Variants in MAN2B1 observed in about 807,000 individuals in gnomAD.
MAN2B1 encodes the protein lysosomal alpha-mannosidase.
In MAN2B1, 99 loss-of-function variants were observed where a neutral mutation model predicts 127.5. The observed-to-expected ratio is 0.78, with a 90% CI of 0.66 to 0.92. MAN2B1 has a LOEUF of 0.92. Among genes scored for constraint, MAN2B1 ranks in the 40% least tolerant of loss-of-function variants. The probability of loss-of-function intolerance (pLI) is 0.00; values close to 1 mark genes in which losing one functional copy is unlikely to be tolerated. For synonymous variants in MAN2B1, 573 were observed against 568.8 expected (o/e 1.01, Z -0.11); for missense variants, 1,304 against 1,384.8 (o/e 0.94, Z 0.93).
chr19:12,663,370 C>T lies in MAN2B1; in HGVS notation c.856G>A (p.Glu286Lys), dbSNP rs772562587. The T allele has an allele frequency of 7.4e-6, 12 of 1,614,098 alleles. No individual in the cohort carries two copies. Among genetic ancestry groups the T allele is most frequent in the Admixed American group, 1.7e-5 (1 of 60,020 alleles). ...TCGACCAGCTCCTTGGCGTTGTACTCGGGGCTGCGAGGGTCCTCCACCAGC... is the reference window on the plus strand; with the variant it reads ...TCGACCAGCTCCTTGGCGTTGTACTTGGGGCTGCGAGGGTCCTCCACCAGC... ...QPLVEDPRSP[E>K]YNAKELVDYF... is the part of the protein sequence containing the mutation. The change falls in exon 6 of 24, where the codon GAG becomes AAG. Residue 286 changes from glutamate to lysine, a missense_variant. By Grantham distance (56) the Glu-to-Lys change is moderately conservative. Transcript: ENST00000456935.
chr19:12,666,623 C>A lies in MAN2B1; in HGVS notation c.79G>T (p.Ala27Ser), dbSNP rs997178513. 2 of 1,556,812 alleles carry A rather than the reference C, an allele frequency of 1.3e-6. No individual in the cohort carries two copies. The highest frequency in any genetic ancestry group is 1.4e-5 in the African/African-American group (1 of 73,576). ...AGAGGCGGGAGCGGTGGCCGCAGGG[C>A]GCGGGACATGGTCCAGGGGCCTGCT... is the stretch of plus-strand genomic sequence containing the variant. ...DSAGPWTMSR[A>S]LRPPLPPLCF... The change falls in exon 1 of 24, where the codon GCC becomes TCC. Residue 27 changes from alanine (A) to serine (S), a missense_variant. By Grantham distance (99) the Ala-to-Ser change is moderately conservative (BLOSUM62 1). Coordinates refer to ENST00000456935, the MANE Select transcript of MAN2B1 (RefSeq NM_000528.4).
At chr19:12,651,981 T>C (rs531363273) in intron 16 of MAN2B1, among the ~76,000 whole-genome samples, 172 bp downstream of exon 16, 10 of 152,276 alleles carry the variant, frequency 6.6e-5, no homozygotes, top group Admixed American at 3.9e-4. Context: ...TGAATATCAA[T>C]TCTATGGAAG....
chr19:12,653,551 G>A (rs2023892065), intron 14 of MAN2B1, among the ~76,000 whole-genome samples: 1 of 151,964 alleles, frequency 6.6e-6, no homozygotes, highest in Non-Finnish European at 1.5e-5. Context: ...CTGAGGTGAG[G>A]AGTTTGATAC....
intron 20 of MAN2B1, 73 bp downstream of exon 20, chr19:12,649,063 A>G (rs2023771368): frequency 7.6e-7 from 1 of 1,311,246 alleles, no homozygotes; most frequent in Non-Finnish European, 1.1e-6. Context: ...ACTGGGCCAG[A>G]AACAGCCTTC....
At chr19:12,662,760 C>T (rs1330050206) in intron 6 of MAN2B1, among the ~76,000 whole-genome samples, 5 of 151,500 alleles carry the variant, frequency 3.3e-5, no homozygotes, top group African/African-American at 4.9e-5. Flanking sequence ...GTCAACATGA[C>T]GAAACCCTGT....
In MAN2B1 at chr19:12,657,093, C is replaced by T. The variant is rs376341388; in HGVS notation, c.1420-37G>A. ...CGCAAAGGGACCGGTGGGTTCAGGA[C>T]GCCAGGCCTGACTCCTCCCCTCTCC... On this transcript the variant is annotated intron_variant, in intron 11 of 23. Coordinates refer to ENST00000456935, the MANE Select transcript of MAN2B1 (RefSeq NM_000528.4). 219 of 1,290,066 alleles carry T rather than the reference C, an allele frequency of 1.7e-4. 1 individual carries two copies. In the African/African-American group the frequency reaches 2.2e-3, roughly 13 times the overall value. 79.9% of individuals were successfully genotyped at this position (1,290,066 alleles called of 1,614,324 possible). A position where few individuals can be genotyped will look rare whatever the true frequency, so the allele number is the denominator to read the frequency against.
Position 12,646,560 on chromosome 19 carries a change from CAG to C in MAN2B1, c.*58_*59del. 7.8e-7 allele frequency: 1 copy of C among 1,278,116 alleles called. No homozygotes were observed. The highest frequency in any genetic ancestry group is 1.1e-6 in the Non-Finnish European group (1 of 875,048). 79.2% of individuals were successfully genotyped at this position (1,278,116 alleles called of 1,614,324 possible). A position where few individuals can be genotyped will look rare whatever the true frequency, so the allele number is the denominator to read the frequency against. ...ATGGCAGCAGCCCCAAGAGGAGAGT[CAG>C]AGTCTGGTCTGCCCCCGGAGCAGGA... On this transcript the variant is annotated 3_prime_UTR_variant, in exon 24 of 24. Transcript: ENST00000456935.
Position 12,656,958 on chromosome 19 carries a change from C to G in MAN2B1, c.1518G>C (p.Thr506=). Residue 506 remains threonine, a synonymous_variant, in exon 12 of 24, where the codon ACG becomes ACC. Coordinates refer to ENST00000456935, the MANE Select transcript of MAN2B1 (RefSeq NM_000528.4). ...LNISICPLSQ[T]AARFQVIVYN... is the part of the protein sequence containing the mutation. ...TCCCGTCCCGGCTCACGCGCGCCGCCGTCTGGCTGAGCGGGCAGATGCTGA... is the reference window on the plus strand; with the variant it reads ...TCCCGTCCCGGCTCACGCGCGCCGCGGTCTGGCTGAGCGGGCAGATGCTGA... The G allele has an allele frequency of 6.2e-7, 1 of 1,613,280 alleles. No individual in the cohort carries two copies. The highest frequency in any genetic ancestry group is 1.1e-5 in the South Asian group (1 of 91,042).
In MAN2B1 at chr19:12,665,738, C is replaced by A. The variant is rs2024218349; in HGVS notation, c.227G>T (p.Gly76Val). Residue 76 changes from glycine (G) to valine (V), a missense_variant, in exon 2 of 24, where the codon GGC becomes GTC. Physicochemically the swap from Gly to Val is moderately radical, Grantham distance 109. Transcript: ENST00000456935. Reference protein sequence around the residue: ...HLLPHTHDDVGWLKTVDQYFY... With the variant: ...HLLPHTHDDVVWLKTVDQYFY... ...GTACTGGTCCACGGTTTTGAGCCAG[C>A]CCACGTCATCATGTGTGTGAGGCAG... 6.2e-7 allele frequency: 1 copy of A among 1,614,044 alleles called. No homozygotes were observed. The highest frequency in any genetic ancestry group is 1.3e-5 in the African/African-American group (1 of 74,928).
intron 1 of MAN2B1, 117 bp downstream of exon 1, chr19:12,666,423 ACAC>A: frequency 2.6e-6 from 3 of 1,144,526 alleles, no homozygotes; most frequent in Non-Finnish European, 2.6e-6. Flanking sequence ...CACTCAGACC[ACAC>A]TGTCATATCA....
In MAN2B1 at chr19:12,665,022, G is replaced by A. The variant is rs117130511; in HGVS notation, c.437-37C>T. The A allele has an allele frequency of 0.011, 18,191 of 1,591,844 alleles. 152 individuals are homozygous for A. The highest frequency in any genetic ancestry group is 0.013 in the Non-Finnish European group (15,340 of 1,164,232). ...CAGGCAAGGTCAGGGTCAGCGGTCAGAGCCAGGAGTGGGAGTAGGGTGGGT... is the reference window on the plus strand; with the variant it reads ...CAGGCAAGGTCAGGGTCAGCGGTCAAAGCCAGGAGTGGGAGTAGGGTGGGT... On this transcript the variant is annotated intron_variant, in intron 3 of 23. Transcript: ENST00000456935.
At chr19:12,666,467 AC>A (rs893273263) in intron 1 of MAN2B1, 75 bp downstream of exon 1, 1 of 1,511,170 alleles carries the variant, frequency 6.6e-7, no homozygotes, top group Non-Finnish European at 9.0e-7. Context: ...CACAGGACAG[AC>A]CCACCCACAC....
rs777413286 is a variant in MAN2B1 at position 12,652,142 on chromosome 19, T to C, written c.2046+11A>G. 5 of 1,607,406 alleles carry C rather than the reference T, an allele frequency of 3.1e-6. No homozygotes were observed. In the Admixed American group the frequency reaches 5.0e-5, roughly 16 times the overall value. ...TTCCCAACTGCCCACTCATCATTCCTAGTCCCTGACCTTCACCAGGTGGAT... is the reference window on the plus strand; with the variant it reads ...TTCCCAACTGCCCACTCATCATTCCCAGTCCCTGACCTTCACCAGGTGGAT... On this transcript the variant is annotated intron_variant, in intron 16 of 23. Transcript: ENST00000456935.
chr19:12,660,278 G>C (rs1340126817), intron 7 of MAN2B1, among the ~76,000 whole-genome samples: 1 of 152,176 alleles, frequency 6.6e-6, no homozygotes, highest in Non-Finnish European at 1.5e-5. Context: ...GGCCGAGCGG[G>C]GTGGATCACG....
Position 12,648,317 on chromosome 19 carries a change from C to A in MAN2B1, c.2522G>T (p.Arg841Leu), listed in dbSNP as rs866046032. The A allele has an allele frequency of 6.2e-7, 1 of 1,613,376 alleles. No individual in the cohort carries two copies. The stretch of plus-strand genomic sequence containing the variant: ...GGCTGTGTCCAGCAGCACCAGGTGG[C>A]GCCCTCGCACCCACGCCCCCGACCC... ...ENGSGAWVRG[R>L]HLVLLDTAQA... The change falls in exon 21 of 24, where the codon CGC becomes CTC. Residue 841 changes from arginine to leucine, a missense_variant. By Grantham distance (102) the Arg-to-Leu change is moderately radical. Coordinates refer to ENST00000456935, the MANE Select transcript of MAN2B1 (RefSeq NM_000528.4).
chr19:12,652,335 A>C (rs1374181215), intron 15 of MAN2B1, 28 bp downstream of exon 15: 1 of 1,609,012 alleles, frequency 6.2e-7, no homozygotes, highest in South Asian at 1.1e-5. Context: ...CCACCACCCC[A>C]CCCTCAGGCC....
At chr19:12,657,349 G>C (rs2023991485) in intron 11 of MAN2B1, 97 bp downstream of exon 11, 5 of 1,119,946 alleles carry the variant, frequency 4.5e-6, no homozygotes, top group Admixed American at 4.2e-5. Context: ...CAGGGCTCTC[G>C]GCTACGCCTC....
rs370382032 is a variant in MAN2B1, at chr19:12,652,441, T to C, written c.1850A>G (p.Asp617Gly). ...CTCCATCAACAGCCCTGTGTCAGGA[T>C]CAAACGTTGCCCGGATGTGCTGGGC... ...IENEHIRATF[D>G]PDTGLLMEIM... Residue 617 changes from aspartate (D) to glycine (G), a missense_variant, in exon 15 of 24, where the codon GAT (aspartate) becomes GGT (glycine). Asp to Gly is a moderately conservative substitution (Grantham distance 94, BLOSUM62 -1). Transcript: ENST00000456935. 1.8e-4 allele frequency: 290 copies of C among 1,614,112 alleles called. 5 individuals are homozygous for C. The South Asian group carries it at 3.0e-3, about 17-fold the overall frequency.
In MAN2B1 at chr19:12,654,341, C is replaced by A. The variant is rs771584972; in HGVS notation, c.1830+1353G>T. Among the ~76,000 whole-genome samples, 66 of 152,166 alleles carry A rather than the reference C, an allele frequency of 4.3e-4. No individual in the cohort carries two copies. The Middle Eastern group carries it at 0.01, about 24-fold the overall frequency. The stretch of plus-strand genomic sequence containing the variant: ...ACAGGTGTGAGCCACCGCGCCCGGC[C>A]CCCCCAACCTTATTTTCAACCTCAC... On this transcript the variant is annotated intron_variant, in intron 14 of 23. Coordinates refer to ENST00000456935, the MANE Select transcript of MAN2B1 (RefSeq NM_000528.4).
Sources: allele counts gnomAD v4.1 joint callset (sites outside exome capture counted in the v4.1 genomes callset), GRCh38; gene constraint gnomAD v4.1.1; transcripts MANE v1.5; gene names NCBI Gene and HGNC (gene_info 2026-07-23, HGNC 2026-07-21).